Variants in LRBA observed in about 807,000 individuals in gnomAD.
The protein encoded by LRBA is lipopolysaccharide-responsive and beige-like anchor protein.
In LRBA, 176 loss-of-function variants were observed where a neutral mutation model predicts 330.0. The ratio of observed to expected loss-of-function variants is 0.53; its 90% CI spans 0.47 to 0.60. LRBA has a LOEUF of 0.60. Among genes scored for constraint, LRBA ranks in the 20% least tolerant of loss-of-function variants. The probability of loss-of-function intolerance (pLI) is 0.00; values close to 1 mark genes in which losing one functional copy is unlikely to be tolerated. For missense variants in LRBA, 3,259 were observed against 3,444.8 expected, an observed-to-expected ratio of 0.95 and a Z score of 1.35; for synonymous variants, 1,230 against 1,193.0, an observed-to-expected ratio of 1.03 and a Z score of -0.64.
chr4:150,849,715 G>C, intron 24 of LRBA, 140 bp from the exon 25 acceptor site: 1 of 655,700 alleles, frequency 1.5e-6, no homozygotes, highest in Non-Finnish European at 2.7e-6. Flanking sequence ...GGCATTTGGA[G>C]GGTGTATACT....
At chr4:150,987,664 C>G (rs564832363) in intron 2 of LRBA, among the ~76,000 whole-genome samples, 1 of 151,694 alleles carries the variant, frequency 6.6e-6, no homozygotes, top group Non-Finnish European at 1.5e-5. Context: ...TGAGATCGCA[C>G]CACTGCACTC....
At chr4:150,903,209 C>T (rs1560983632) in intron 13 of LRBA, among the ~76,000 whole-genome samples, 1 of 151,870 alleles carries the variant, frequency 6.6e-6, no homozygotes, top group Non-Finnish European at 1.5e-5. Flanking sequence ...AAGCAAGACC[C>T]TAGTCTCTAC....
Position 150,702,022 on chromosome 4 carries a change from A to G in LRBA, c.5755-18305T>C, listed in dbSNP as rs148936053. On this transcript the variant is annotated intron_variant, in intron 36 of 56. Transcript: ENST00000651943. ...GGTGGCCAACTAGAAACAGAAAACTATAGGGGAAAAAGTTAGGAGAAAATC... is the reference window on the plus strand; with the variant it reads ...GGTGGCCAACTAGAAACAGAAAACTGTAGGGGAAAAAGTTAGGAGAAAATC... Among the ~76,000 whole-genome samples, 1,181 of 152,326 alleles carry G rather than the reference A, an allele frequency of 7.8e-3. 12 individuals carry two copies. Among genetic ancestry groups the G allele is most frequent in the African/African-American group, 0.027 (1,125 of 41,566 alleles).
chr4:150,273,331 C>A (rs1031462849), intron 56 of LRBA, among the ~76,000 whole-genome samples: 1 of 152,172 alleles, frequency 6.6e-6, no homozygotes, highest in African/African-American at 2.4e-5. Flanking sequence ...TGGAAAGGAA[C>A]AACCGGTACC....
intron 40 of LRBA, among the ~76,000 whole-genome samples, chr4:150,501,711 A>T (rs1166038847): frequency 6.6e-6 from 1 of 152,220 alleles, no homozygotes; most frequent in Non-Finnish European, 1.5e-5. Context: ...CAACATAAAA[A>T]TTTTTAAAAA....
chr4:150,357,272 A>G (rs1295852893), intron 47 of LRBA, among the ~76,000 whole-genome samples: 3 of 151,976 alleles, frequency 2.0e-5, no homozygotes, highest in East Asian at 1.9e-4. Context: ...CAGGAGAATC[A>G]TTCTGTCTAC....
intron 47 of LRBA, among the ~76,000 whole-genome samples, chr4:150,409,090 T>C (rs1306203706): frequency 6.6e-6 from 1 of 151,824 alleles, no homozygotes; most frequent in Non-Finnish European, 1.5e-5. Flanking sequence ...CATACTGGAG[T>C]AGGGTGAGTC....
intron 2 of LRBA, among the ~76,000 whole-genome samples, chr4:150,958,647 T>A (rs1368172272): frequency 6.7e-6 from 1 of 149,378 alleles, no homozygotes; most frequent in African/African-American, 2.6e-5. Flanking sequence ...TCCAAACTTT[T>A]ACACTTTGCT....
chr4:150,650,247 C>A (rs1779581132), intron 37 of LRBA, among the ~76,000 whole-genome samples: 1 of 152,054 alleles, frequency 6.6e-6, no homozygotes, highest in Non-Finnish European at 1.5e-5. Context: ...CAAATTTGGG[C>A]AAGTGCTTCT....
chr4:151,010,649 A>C (rs1744715641), intron 2 of LRBA, among the ~76,000 whole-genome samples: 1 of 151,504 alleles, frequency 6.6e-6, no homozygotes, highest in South Asian at 2.1e-4. Context: ...GGGAAGGCCA[A>C]GGCAGGCAGA....
At chr4:150,385,479 C>T (rs1742926556) in intron 47 of LRBA, among the ~76,000 whole-genome samples, 1 of 151,588 alleles carries the variant, frequency 6.6e-6, no homozygotes, top group Non-Finnish European at 1.5e-5. Context: ...GGGGCATCTG[C>T]TATACTAAAA....
rs138701989 is a variant in LRBA, at chr4:150,736,052, G to A, written c.5646-686C>T. Among the ~76,000 whole-genome samples, 36 of 152,252 alleles carry A rather than the reference G, an allele frequency of 2.4e-4. No homozygotes were observed. In the East Asian group the frequency reaches 5.6e-3, roughly 24 times the overall value. ...GCAGGAGGGCCATGGCAAAACCCCA[G>A]GTTTTCAGAGTACCTCAGAAGGGCT... On this transcript the variant is annotated intron_variant, in intron 35 of 56. Transcript: ENST00000651943.
chr4:150,338,351 CA>C (rs1735019202), intron 48 of LRBA, among the ~76,000 whole-genome samples: 1 of 151,990 alleles, frequency 6.6e-6, no homozygotes, highest in African/African-American at 2.4e-5. Flanking sequence ...AAACATAAAA[CA>C]ATGTATTTAC....
intron 31 of LRBA, among the ~76,000 whole-genome samples, chr4:150,815,048 A>AAAC (rs1744356898): frequency 2.0e-5 from 3 of 151,958 alleles, no homozygotes; most frequent in Non-Finnish European, 4.4e-5. Context: ...AAAGGGTCCT[A>AAAC]TTTCCTCTGT....
rs755696016 is a variant in LRBA, at chr4:150,735,272, G to T, written c.5740C>A (p.His1914Asn). 6.2e-7 allele frequency: 1 copy of T among 1,612,904 alleles called. No individual in the cohort carries two copies. Residue 1914 changes from histidine (H) to asparagine (N), a missense_variant, in exon 36 of 57, where the codon CAT becomes AAT. Physicochemically the swap from His to Asn is moderately conservative, Grantham distance 68. Transcript: ENST00000651943. ...GTGTAACCTACCTCAAATTCCGCAT[G>T]TCTGTGAATATCTTCTGCTCTCTGC... ...SRQRAEDIHR[H>N]AEFESLCAQY...
At chr4:150,778,413 T>C (rs1392856747) in intron 34 of LRBA, among the ~76,000 whole-genome samples, 1 of 152,160 alleles carries the variant, frequency 6.6e-6, no homozygotes, top group Non-Finnish European at 1.5e-5. Flanking sequence ...TGCAAATCAA[T>C]TATGTAATTA....
chr4:150,292,411 T>C (rs888952991), intron 53 of LRBA, among the ~76,000 whole-genome samples: 1 of 152,232 alleles, frequency 6.6e-6, no homozygotes, highest in African/African-American at 2.4e-5. Flanking sequence ...GTATAACGTT[T>C]TCACTTGTAG....
intron 22 of LRBA, among the ~76,000 whole-genome samples, chr4:150,859,423 G>GA (rs1751623504): frequency 6.6e-6 from 1 of 151,314 alleles, no homozygotes; most frequent in Non-Finnish European, 1.5e-5. Context: ...CATACCAAGT[G>GA]AAAAAAAGTA....
chr4:150,895,662 T>A (rs1299539155), intron 16 of LRBA, among the ~76,000 whole-genome samples: 1 of 152,260 alleles, frequency 6.6e-6, no homozygotes, highest in Non-Finnish European at 1.5e-5. Flanking sequence ...ATGTGCCACA[T>A]TTTCTTAATC....
Sources: allele counts gnomAD v4.1 joint callset (sites outside exome capture counted in the v4.1 genomes callset), GRCh38; gene constraint gnomAD v4.1.1; transcripts MANE v1.5; gene names NCBI Gene and HGNC (gene_info 2026-07-23, HGNC 2026-07-21).